Variants in CAMK2D observed in about 807,000 individuals in gnomAD.
The protein encoded by CAMK2D is calcium/calmodulin-dependent protein kinase type II subunit delta.
CAMK2D carries 37 observed loss-of-function variants against 84.0 expected under a neutral mutation model. The observed-to-expected ratio is 0.44, with a 90% confidence interval of 0.34 to 0.58. CAMK2D has a LOEUF of 0.58. Ranked by LOEUF, CAMK2D falls within the 20% of genes least tolerant of loss-of-function variation. The probability of loss-of-function intolerance (pLI) is 0.02; values close to 1 mark genes in which losing one functional copy is unlikely to be tolerated. For missense variants in CAMK2D, 448 were observed against 652.5 expected, an observed-to-expected ratio of 0.69 and a Z score of 3.41; for synonymous variants, 202 against 212.5, an observed-to-expected ratio of 0.95 and a Z score of 0.43.
intron 3 of CAMK2D, among the ~76,000 whole-genome samples, chr4:113,645,113 T>C (rs370284439): frequency 6.6e-6 from 1 of 152,072 alleles, no homozygotes; most frequent in African/African-American, 2.4e-5. Context: ...ACCTCCCGGG[T>C]TCACGCCATT....
intron 3 of CAMK2D, among the ~76,000 whole-genome samples, chr4:113,629,785 TAAA>T (rs75795050): frequency 6.0e-5 from 8 of 132,666 alleles, no homozygotes; most frequent in African/African-American, 8.3e-5. Flanking sequence ...ATGTTCTTGG[TAAA>T]AAAAAAAAAA....
Position 113,526,588 on chromosome 4 carries a change from CTAACTTA to C in CAMK2D, c.601+4621_601+4627del, listed in dbSNP as rs574567184. Among the ~76,000 whole-genome samples, 290 of 151,992 alleles carry C rather than the reference CTAACTTA, an allele frequency of 1.9e-3. 1 individual carries two copies. The highest frequency in any genetic ancestry group is 3.0e-3 in the Non-Finnish European group (206 of 68,014). On this transcript the variant is annotated intron_variant, in intron 8 of 20. Transcript: ENST00000511664. ...CTTCCAGACAAGAAAGTTAGAGCTT[CTAACTTA>C]TAAGTTCTCTCACATTTCACAGATA...
At chr4:113,642,450 C>A (rs959858210) in intron 3 of CAMK2D, among the ~76,000 whole-genome samples, 5 of 152,190 alleles carry the variant, frequency 3.3e-5, no homozygotes, top group Admixed American at 2.0e-4. Flanking sequence ...TGAACACTAC[C>A]AGAATGTCCA....
intron 6 of CAMK2D, among the ~76,000 whole-genome samples, chr4:113,541,828 T>C (rs1260596257): frequency 6.6e-6 from 1 of 152,148 alleles, no homozygotes; most frequent in Non-Finnish European, 1.5e-5. Context: ...AGCTCCCCAA[T>C]ATAAACTATT....
chr4:113,485,444 C>T (rs1448014315), intron 16 of CAMK2D, among the ~76,000 whole-genome samples: 7 of 152,206 alleles, frequency 4.6e-5, no homozygotes, highest in Admixed American at 4.6e-4. Flanking sequence ...GCCTACTTGT[C>T]CTTTATCATT....
intron 3 of CAMK2D, among the ~76,000 whole-genome samples, chr4:113,615,492 T>C (rs1337394265): frequency 6.6e-6 from 1 of 152,004 alleles, no homozygotes; most frequent in Admixed American, 6.6e-5. Flanking sequence ...ACAAAAGCAC[T>C]GAAAACTAAG....
intron 4 of CAMK2D, among the ~76,000 whole-genome samples, chr4:113,608,917 G>A (rs550270132): frequency 6.6e-6 from 1 of 152,222 alleles, no homozygotes; most frequent in South Asian, 2.1e-4. Context: ...ACAATGCAAA[G>A]AGAAATAACT....
At chr4:113,533,355 G>T (rs541666245) in intron 7 of CAMK2D, among the ~76,000 whole-genome samples, 66 of 152,148 alleles carry the variant, frequency 4.3e-4, no homozygotes, top group African/African-American at 1.3e-3. Context: ...CATATGGGGG[G>T]TAAAATAGAG....
chr4:113,470,412 G>A (rs1408597849), intron 16 of CAMK2D, among the ~76,000 whole-genome samples: 1 of 152,102 alleles, frequency 6.6e-6, no homozygotes, highest in Non-Finnish European at 1.5e-5. Context: ...TGGAGAGGCC[G>A]AGGCGGGTGG....
intron 2 of CAMK2D, among the ~76,000 whole-genome samples, chr4:113,681,626 C>T (rs1288736040): frequency 2.0e-5 from 3 of 152,130 alleles, no homozygotes; most frequent in Admixed American, 6.5e-5. Context: ...AAAACATTCA[C>T]TAATCCCAGA....
intron 3 of CAMK2D, among the ~76,000 whole-genome samples, chr4:113,614,572 A>G (rs1204268029): frequency 1.3e-5 from 2 of 152,194 alleles, no homozygotes; most frequent in African/African-American, 2.4e-5. Context: ...ACCTCTGAGG[A>G]TAAGAGATAA....
intron 16 of CAMK2D, among the ~76,000 whole-genome samples, chr4:113,483,498 C>A (rs527926747): frequency 6.6e-6 from 1 of 152,090 alleles, no homozygotes; most frequent in Admixed American, 6.5e-5. Flanking sequence ...CTCCGCCTCC[C>A]GGGTTCAAGC....
chr4:113,516,327 T>C (rs1369208636), intron 9 of CAMK2D, among the ~76,000 whole-genome samples: 1 of 152,206 alleles, frequency 6.6e-6, no homozygotes, highest in Non-Finnish European at 1.5e-5. Flanking sequence ...GGCTGTTTCT[T>C]AATGTTGTAC....
rs558931513 is a variant in CAMK2D at position 113,543,877 on chromosome 4, C to T, written c.414+3767G>A. On this transcript the variant is annotated intron_variant, in intron 6 of 20. Coordinates refer to ENST00000511664, the MANE Select transcript of CAMK2D (RefSeq NM_001321571.2). The stretch of plus-strand genomic sequence containing the variant: ...GGCGATCTCTGCTCACTGCAAGCTC[C>T]GCCTCCTGGGTTCATGCCATTCTCC... Among the ~76,000 whole-genome samples, 25 of 151,922 alleles carry T rather than the reference C, an allele frequency of 1.6e-4. No individual in the cohort carries two copies. In the South Asian group the frequency reaches 4.6e-3, roughly 28 times the overall value.
intron 9 of CAMK2D, 61 bp downstream of exon 9, chr4:113,517,502 T>C (rs2098299986): frequency 2.8e-6 from 2 of 724,004 alleles, no homozygotes; most frequent in South Asian, 4.2e-5. Flanking sequence ...AAGATCTGGC[T>C]CTTGGTCAAC....
intron 3 of CAMK2D, among the ~76,000 whole-genome samples, chr4:113,629,876 C>T (rs917671376): frequency 6.6e-6 from 1 of 151,116 alleles, no homozygotes; most frequent in African/African-American, 2.4e-5. Context: ...TTTGGGCAGA[C>T]TTACATACAG....
intron 4 of CAMK2D, among the ~76,000 whole-genome samples, chr4:113,561,196 C>T (rs914105739): frequency 1.3e-5 from 2 of 152,188 alleles, no homozygotes; most frequent in Non-Finnish European, 2.9e-5. Context: ...CAGGGACTTA[C>T]AAGATAGGTG....
At chr4:113,487,942 T>C (rs1386439265) in intron 16 of CAMK2D, among the ~76,000 whole-genome samples, 1 of 152,050 alleles carries the variant, frequency 6.6e-6, no homozygotes, top group Non-Finnish European at 1.5e-5. Flanking sequence ...GTATTATTGA[T>C]TTCAATATCT....
Position 113,761,715 on chromosome 4 carries a change from T to G in CAMK2D, c.-647A>C, listed in dbSNP as rs556358169. 35 of 925,896 alleles carry G rather than the reference T, an allele frequency of 3.8e-5. No homozygotes were observed. The African/African-American group carries it at 6.3e-4, about 17-fold the overall frequency. 57.4% of individuals were successfully genotyped at this position (925,896 alleles called of 1,614,324 possible). A position where few individuals can be genotyped will look rare whatever the true frequency, so the allele number is the denominator to read the frequency against. ...GCGCTGCTCACGAGCCCGCGCGGCT[T>G]CAAGACGGCGCGGCGAGAGAAAGAG... is the stretch of plus-strand genomic sequence containing the variant. On this transcript the variant is annotated 5_prime_UTR_variant, in exon 1 of 21. Coordinates refer to ENST00000511664, the MANE Select transcript of CAMK2D (RefSeq NM_001321571.2).
Sources: gnomAD v4.1 joint callset for allele counts (sites outside exome capture counted in the v4.1 genomes callset) on GRCh38, gnomAD v4.1.1 for gene constraint, MANE v1.5 for transcripts, NCBI Gene and HGNC (gene_info 2026-07-23, HGNC 2026-07-21) for gene names.